MYO5B: variants seen among roughly 807,000 people sequenced by gnomAD.
MYO5B encodes unconventional myosin-Vb.
In MYO5B, 143 loss-of-function variants were observed where a neutral mutation model predicts 229.3. That is an observed-to-expected ratio of 0.62 (90% CI 0.54 to 0.72). The LOEUF (loss-of-function observed/expected upper bound fraction) is 0.72, where lower values mean the gene tolerates loss of function less well. Among genes scored for constraint, MYO5B ranks in the 30% least tolerant of loss-of-function variants. The pLI is 0.00. For synonymous variants in MYO5B, 918 were observed against 885.2 expected, an observed-to-expected ratio of 1.04 and a Z score of -0.66; for missense variants, 2,321 against 2,331.0, an observed-to-expected ratio of 1.00 and a Z score of 0.09.
intron 22 of MYO5B, among the ~76,000 whole-genome samples, chr18:49,881,162 C>G (rs1201541186): frequency 6.6e-6 from 1 of 152,180 alleles, no homozygotes; most frequent in Non-Finnish European, 1.5e-5. Context: ...TTTGTTCAGT[C>G]CAACAGGGAT....
intron 23 of MYO5B, 113 bp downstream of exon 23, chr18:49,880,258 T>G: frequency 1.1e-6 from 1 of 904,932 alleles, no homozygotes; most frequent in Non-Finnish European, 1.9e-6. Context: ...ATTAAAATCC[T>G]TTCCCCACTG....
intron 1 of MYO5B, among the ~76,000 whole-genome samples, chr18:50,108,034 G>A (rs898527523): frequency 1.3e-5 from 2 of 152,096 alleles, no homozygotes; most frequent in Non-Finnish European, 2.9e-5. Context: ...TCAGCCTCCT[G>A]AGCAGCTGGG....
At chr18:50,119,242 T>C (rs2032018896) in intron 1 of MYO5B, among the ~76,000 whole-genome samples, 1 of 152,216 alleles carries the variant, frequency 6.6e-6, no homozygotes, top group Non-Finnish European at 1.5e-5. Context: ...AGCTGCACTG[T>C]TCTATCCCAG....
At chr18:49,952,292 T>C (rs916760404) in intron 14 of MYO5B, among the ~76,000 whole-genome samples, 1 of 152,162 alleles carries the variant, frequency 6.6e-6, no homozygotes, top group African/African-American at 2.4e-5. Flanking sequence ...CTGCAGTGAG[T>C]TCAGTATCAT....
At chr18:49,910,097 G>A (rs984743908) in intron 18 of MYO5B, among the ~76,000 whole-genome samples, 2 of 152,194 alleles carry the variant, frequency 1.3e-5, no homozygotes, top group African/African-American at 4.8e-5. Context: ...CACTGAAGCC[G>A]AGCACTGAGA....
chr18:50,184,844 G>GGT, intron 1 of MYO5B, among the ~76,000 whole-genome samples: 1 of 150,620 alleles, frequency 6.6e-6, no homozygotes, highest in Admixed American at 6.6e-5. Context: ...TTCAAGACCA[G>GGT]CATGAGCAAC....
chr18:49,978,912 G>C (rs2025784119), intron 9 of MYO5B, among the ~76,000 whole-genome samples: 1 of 152,116 alleles, frequency 6.6e-6, no homozygotes, highest in African/African-American at 2.4e-5. Flanking sequence ...CTTGGTCACT[G>C]CAGGTGTTCC....
At chr18:49,999,242 T>G (rs2026020908) in intron 5 of MYO5B, among the ~76,000 whole-genome samples, 1 of 152,234 alleles carries the variant, frequency 6.6e-6, no homozygotes, top group Non-Finnish European at 1.5e-5. Context: ...GACAGAATCT[T>G]GAAACTCAGT....
intron 31 of MYO5B, chr18:49,849,994 G>C: frequency 2.6e-6 from 1 of 386,762 alleles, no homozygotes. Context: ...ACTCAGCCTA[G>C]GAGTCCCAGG....
chr18:49,936,102 C>T (rs1366514108), intron 16 of MYO5B, 150 bp downstream of exon 16: 1 of 717,274 alleles, frequency 1.4e-6, no homozygotes, highest in Non-Finnish European at 2.5e-6. Context: ...GTCTGTCAGT[C>T]TGTCTGCAGC....
At chr18:49,969,855 T>TCC (rs1448584221) in intron 10 of MYO5B, 4 of 152,168 alleles carry the variant, frequency 2.6e-5, no homozygotes, top group Non-Finnish European at 5.9e-5. Context: ...CCCCATTCTC[T>TCC]CCCCAGCTGT....
intron 1 of MYO5B, among the ~76,000 whole-genome samples, chr18:50,143,453 C>G (rs1258125094): frequency 6.6e-6 from 1 of 152,124 alleles, no homozygotes; most frequent in Non-Finnish European, 1.5e-5. Context: ...GCTCAGCAAC[C>G]GCAGCATTCT....
At chr18:49,835,874 CTT>C (rs1040245054) in intron 38 of MYO5B, among the ~76,000 whole-genome samples, 3 of 152,214 alleles carry the variant, frequency 2.0e-5, no homozygotes, top group Non-Finnish European at 4.4e-5. Flanking sequence ...AGGAGATACT[CTT>C]TTGTCTGCCT....
chr18:49,897,953 TC>T (rs1294731822), intron 21 of MYO5B, among the ~76,000 whole-genome samples: 4 of 152,306 alleles, frequency 2.6e-5, no homozygotes, highest in African/African-American at 9.6e-5. Flanking sequence ...GGGTGTGCCA[TC>T]TTTTACACCA....
At chr18:50,068,052 C>CAT (rs1468818583) in intron 1 of MYO5B, among the ~76,000 whole-genome samples, 1 of 151,482 alleles carries the variant, frequency 6.6e-6, no homozygotes, top group Non-Finnish European at 1.5e-5. Flanking sequence ...TATACACACA[C>CAT]ACACACACAC....
intron 1 of MYO5B, among the ~76,000 whole-genome samples, chr18:50,137,496 T>C (rs770311532): frequency 4.6e-5 from 7 of 152,224 alleles, no homozygotes; most frequent in Non-Finnish European, 7.3e-5. Flanking sequence ...GGAAGCTGTA[T>C]AGATTATCTT....
rs749470492 is a variant in MYO5B, at chr18:49,902,577, G to A, written c.2811+17C>T. ...CCCAAGCCCCCGACACCCAGGTAGGGAGCTGCAGACACTGACCTGCTCATC... is the reference window on the plus strand; with the variant it reads ...CCCAAGCCCCCGACACCCAGGTAGGAAGCTGCAGACACTGACCTGCTCATC... On this transcript the variant is annotated intron_variant, in intron 21 of 39. Transcript: ENST00000285039. 3.7e-6 allele frequency: 6 copies of A among 1,609,520 alleles called. No individual in the cohort carries two copies. The highest frequency in any genetic ancestry group is 1.8e-4 in the Middle Eastern group (1 of 5,538).
At chr18:49,893,665 A>C (rs1014774650) in intron 22 of MYO5B, among the ~76,000 whole-genome samples, 23 of 152,140 alleles carry the variant, frequency 1.5e-4, no homozygotes, top group African/African-American at 5.6e-4. Context: ...TTCTTCCCTT[A>C]ATCTCCACAC....
chr18:50,140,503 G>A (rs1411854261), intron 1 of MYO5B, among the ~76,000 whole-genome samples: 1 of 152,204 alleles, frequency 6.6e-6, no homozygotes, highest in Non-Finnish European at 1.5e-5. Flanking sequence ...TTGGAAGAAT[G>A]AGTTGTGTAT....
Sources: gnomAD v4.1 joint callset for allele counts (sites outside exome capture counted in the v4.1 genomes callset) on GRCh38, gnomAD v4.1.1 for gene constraint, MANE v1.5 for transcripts, NCBI Gene and HGNC (gene_info 2026-07-23, HGNC 2026-07-21) for gene names.